The following MMP12 variants were observed in gnomAD, a reference collection of about 807,000 sequenced individuals.
MMP12 encodes macrophage metalloelastase.
A neutral mutation model predicts 45.2 loss-of-function variants in MMP12; 51 were observed. The observed-to-expected ratio is 1.13, with a 90% CI of 0.90 to 1.42. The LOEUF (loss-of-function observed/expected upper bound fraction) is 1.42. Ranked by LOEUF, MMP12 falls within the 40% of genes most tolerant of loss-of-function variation. The pLI is 0.00. For synonymous variants in MMP12, 210 were observed against 193.3 expected (o/e 1.09, Z -0.72); for missense variants, 530 against 570.8 (o/e 0.93, Z 0.73).
Position 102,867,375 on chromosome 11 carries a change from T to C in MMP12, c.806A>G (p.Gln269Arg), listed in dbSNP as rs1555008721. Residue 269 changes from glutamine (Q) to arginine (R), a missense_variant, in exon 6 of 10, where the codon CAA (glutamine) becomes CGA (arginine). Coordinates refer to ENST00000571244, the MANE Select transcript of MMP12 (RefSeq NM_002426.6). ...TGAATTGTCAGGATTTGGCAAGCGT[T>C]GGTTCTCTTTTGGGTCTCCTGAAAA... Reference protein sequence around the residue: ...QSLYGDPKENQRLPNPDNSEP... With the variant: ...QSLYGDPKENRRLPNPDNSEP... 1 of 1,610,130 alleles carries C rather than the reference T, an allele frequency of 6.2e-7. No homozygotes were observed. The highest frequency in any genetic ancestry group is 8.5e-7 in the Non-Finnish European group (1 of 1,178,490).
chr11:102,863,569 C>A (rs979453450), intron 9 of MMP12, among the ~76,000 whole-genome samples: 2 of 152,066 alleles, frequency 1.3e-5, no homozygotes, highest in South Asian at 2.1e-4. Flanking sequence ...GATATTGGAC[C>A]CAGCTAGGGC....
At chr11:102,864,465 C>T (rs1344946568) in intron 8 of MMP12, among the ~76,000 whole-genome samples, 1 of 152,198 alleles carries the variant, frequency 6.6e-6, no homozygotes, top group African/African-American at 2.4e-5. Flanking sequence ...CTTTTTCCCA[C>T]TATCCCATAA....
In MMP12 at chr11:102,873,090, C is replaced by G; in HGVS notation, c.125G>C (p.Gly42Ala). ...FGERYLEKFY[G>A]LEINKLPVTK... is the part of the protein sequence containing the mutation. ...CACTGGAAGTTTGTTTATCTCAAGG[C>G]CATAAAATTTTTCTAAGTATCTCTG... is the stretch of plus-strand genomic sequence containing the variant. Residue 42 changes from glycine (G) to alanine (A), a missense_variant, in exon 2 of 10, where the codon GGC (glycine) becomes GCC (alanine). Gly to Ala is a moderately conservative substitution (Grantham distance 60). Coordinates refer to ENST00000571244, the MANE Select transcript of MMP12 (RefSeq NM_002426.6). 6.2e-7 allele frequency: 1 copy of G among 1,611,910 alleles called. No individual in the cohort carries two copies. The highest frequency in any genetic ancestry group is 1.7e-5 in the Admixed American group (1 of 59,660).
At chr11:102,867,555 T>C (rs558622283) in intron 5 of MMP12, among the ~76,000 whole-genome samples, 162 bp from the exon 6 acceptor site, 4 of 152,348 alleles carry the variant, frequency 2.6e-5, no homozygotes, top group Admixed American at 6.5e-5. Flanking sequence ...AGGTTTTTTT[T>C]CCACATGGTT....
At chr11:102,867,153 C>T in intron 6 of MMP12, 117 bp downstream of exon 6, 1 of 929,436 alleles carries the variant, frequency 1.1e-6, no homozygotes, top group Admixed American at 3.2e-5. Flanking sequence ...GAATCGAGTC[C>T]AAGTTCCTGC....
rs782289401 is a variant in MMP12 at position 102,865,833 on chromosome 11, G to A, written c.1148C>T (p.Ala383Val). The A allele has an allele frequency of 6.2e-6, 10 of 1,612,910 alleles. No homozygotes were observed. The highest frequency in any genetic ancestry group is 7.6e-6 in the Non-Finnish European group (9 of 1,179,338). The change falls in exon 8 of 10, where the codon GCT becomes GTT. Residue 383 changes from alanine to valine, a missense_variant. Ala to Val is a moderately conservative substitution (Grantham distance 64). Transcript: ENST00000571244. This position sits in a 1 kb window ranked among gnomAD's most constrained non-coding sequence, Gnocchi z 4.1. ...FPNFVKKIDA[A>V]VFNPRFYRTY... ...CCTATAAAAACGTGGGTTAAAAACAGCTGCATCAATTTTTTTCACAAAGTT... is the reference window on the plus strand; with the variant it reads ...CCTATAAAAACGTGGGTTAAAAACAACTGCATCAATTTTTTTCACAAAGTT...
chr11:102,872,807 T>C, intron 2 of MMP12, 58 bp downstream of exon 2: 1 of 1,581,832 alleles, frequency 6.3e-7, no homozygotes, highest in African/African-American at 1.3e-5. Flanking sequence ...CTGGTTCAGG[T>C]TAGAAGTCAG....
chr11:102,866,077 A>G, intron 7 of MMP12, 142 bp from the exon 8 acceptor site: 1 of 877,262 alleles, frequency 1.1e-6, no homozygotes, highest in Non-Finnish European at 1.7e-6. Flanking sequence ...TCTCTTTTCT[A>G]TGGTTCCCAT....
At chr11:102,872,765 C>T (rs1467895453) in intron 2 of MMP12, 100 bp downstream of exon 2, 16 of 1,323,784 alleles carry the variant, frequency 1.2e-5, no homozygotes, top group South Asian at 1.5e-5. Context: ...AGGGAGGTTA[C>T]TTTATCTACT....
chr11:102,866,900 T>G (rs1314087644), intron 6 of MMP12, among the ~76,000 whole-genome samples: 1 of 152,194 alleles, frequency 6.6e-6, no homozygotes, highest in African/African-American at 2.4e-5. Context: ...TATCCTGGAA[T>G]TCTCTCCTCC....
rs534889365 is a variant in MMP12 at position 102,863,664 on chromosome 11, G to A, written c.1313-464C>T. ...TCTTGACCCCATGAACAGTTGCTTA[G>A]GCTGGTCTTGTTTGAAGACATACGA... On this transcript the variant is annotated intron_variant, in intron 9 of 9. Coordinates refer to ENST00000571244, the MANE Select transcript of MMP12 (RefSeq NM_002426.6). Among the ~76,000 whole-genome samples the A allele has an allele frequency of 1.2e-4, 19 of 152,242 alleles. No individual in the cohort carries two copies. The South Asian group carries it at 3.9e-3, about 32-fold the overall frequency.
chr11:102,864,011 GT>G, intron 9 of MMP12, 134 bp downstream of exon 9: 1 of 680,176 alleles, frequency 1.5e-6, no homozygotes, highest in Non-Finnish European at 2.6e-6. Flanking sequence ...TACAGTGTGA[GT>G]TTTTCCTTGC....
intron 2 of MMP12, among the ~76,000 whole-genome samples, 192 bp downstream of exon 2, chr11:102,872,673 G>T (rs1452493972): frequency 6.6e-6 from 1 of 152,126 alleles, no homozygotes; most frequent in Non-Finnish European, 1.5e-5. Flanking sequence ...CTTTGGACTG[G>T]CAAGCCAAAC....
Position 102,864,133 on chromosome 11 carries a change from C to A in MMP12, c.1312+13G>T. 1 of 1,521,294 alleles carries A rather than the reference C, an allele frequency of 6.6e-7. No individual in the cohort carries two copies. The highest frequency in any genetic ancestry group is 9.1e-7 in the Non-Finnish European group (1 of 1,095,952). The allele number at this position is 1,521,294 out of a possible 1,614,324, so 94.2% of individuals were successfully genotyped here. On this transcript the variant is annotated intron_variant, in intron 9 of 9. Coordinates refer to ENST00000571244, the MANE Select transcript of MMP12 (RefSeq NM_002426.6). ...TTATTTCCAGTATCTTCATGGTTTCCTCATCTACTTACTGTTTTTAGAGTA... is the reference window on the plus strand; with the variant it reads ...TTATTTCCAGTATCTTCATGGTTTCATCATCTACTTACTGTTTTTAGAGTA...
intron 7 of MMP12, 111 bp from the exon 8 acceptor site, chr11:102,866,046 G>T: frequency 2.2e-6 from 2 of 929,146 alleles, no homozygotes; most frequent in Non-Finnish European, 1.6e-6. Context: ...AATATTTATT[G>T]CTTATTGATC....
chr11:102,863,391 C>T (rs574884048), intron 9 of MMP12, among the ~76,000 whole-genome samples, 191 bp from the exon 10 acceptor site: 1 of 152,176 alleles, frequency 6.6e-6, no homozygotes, highest in South Asian at 2.1e-4. Context: ...TGAGATCAGC[C>T]TGGCCATCAT....
At chr11:102,866,270 C>T (rs1555008521) in intron 7 of MMP12, 45 bp downstream of exon 7, 1 of 1,507,516 alleles carries the variant, frequency 6.6e-7, no homozygotes, top group South Asian at 1.3e-5. Flanking sequence ...AATTTATTCT[C>T]TTCCTTGAAG....
intron 8 of MMP12, 58 bp from the exon 9 acceptor site, chr11:102,864,310 C>A (rs1859346612): frequency 9.0e-7 from 1 of 1,107,200 alleles, no homozygotes; most frequent in Non-Finnish European, 1.4e-6. Context: ...CTGACATGCA[C>A]CACAAACCCA....
chr11:102,864,085 A>T, intron 9 of MMP12, 61 bp downstream of exon 9: 1 of 1,269,078 alleles, frequency 7.9e-7, no homozygotes, highest in Non-Finnish European at 1.1e-6. Context: ...CTCTAATCTT[A>T]GAGGATTTAT....
Sources: allele counts gnomAD v4.1 joint callset (sites outside exome capture counted in the v4.1 genomes callset), GRCh38; gene constraint gnomAD v4.1.1; non-coding constraint Gnocchi (gnomAD v3.1); transcripts MANE v1.5; gene names NCBI Gene and HGNC (gene_info 2026-07-23, HGNC 2026-07-21).